The following EPS15L1 variants were observed in gnomAD, a reference collection of about 807,000 sequenced individuals.
EPS15L1 encodes epidermal growth factor receptor pathway substrate 15 like 1.
In EPS15L1, 43 loss-of-function variants were observed where a neutral mutation model predicts 117.1. The observed-to-expected ratio is 0.37, with a 90% CI of 0.29 to 0.47. The LOEUF (loss-of-function observed/expected upper bound fraction) is 0.47. Ranked by LOEUF, EPS15L1 falls within the 20% of genes least tolerant of loss-of-function variation. The pLI, the probability that EPS15L1 is intolerant of heterozygous loss-of-function variation, is 0.99. For missense variants in EPS15L1, 981 were observed against 1,164.0 expected (o/e 0.84, Z 2.29); for synonymous variants, 459 against 470.5 (o/e 0.98, Z 0.32).
chr19:16,417,036 C>G (rs2144918298), intron 12 of EPS15L1, among the ~76,000 whole-genome samples: 1 of 152,364 alleles, frequency 6.6e-6, no homozygotes, highest in Non-Finnish European at 1.5e-5. Flanking sequence ...GACCCAATTG[C>G]CCTAGCTGTC....
chr19:16,388,829 A>C (rs1349895197), intron 19 of EPS15L1, among the ~76,000 whole-genome samples: 2 of 152,130 alleles, frequency 1.3e-5, no homozygotes, highest in African/African-American at 4.8e-5. Context: ...CTGTCTCAAA[A>C]AAACAAACAA....
intron 1 of EPS15L1, among the ~76,000 whole-genome samples, chr19:16,445,140 T>C (rs2093070996): frequency 6.6e-6 from 1 of 152,166 alleles, no homozygotes; most frequent in Admixed American, 6.5e-5. Flanking sequence ...AAATATCTGC[T>C]CTACTTCCCA....
chr19:16,450,651 T>A (rs1720322788), intron 1 of EPS15L1, among the ~76,000 whole-genome samples: 1 of 151,648 alleles, frequency 6.6e-6, no homozygotes, highest in South Asian at 2.1e-4. Flanking sequence ...TGGCTAAATT[T>A]TTGTATTTTT....
At chr19:16,399,836 A>G (rs907364750) in intron 16 of EPS15L1, among the ~76,000 whole-genome samples, 1 of 151,990 alleles carries the variant, frequency 6.6e-6, no homozygotes, top group Non-Finnish European at 1.5e-5. Flanking sequence ...CCTATTTAAT[A>G]ATCGGTTCTG....
chr19:16,400,014 T>A (rs1219483787), intron 16 of EPS15L1, among the ~76,000 whole-genome samples: 2 of 152,104 alleles, frequency 1.3e-5, no homozygotes, highest in Non-Finnish European at 2.9e-5. Context: ...CATAATCAGA[T>A]GATAGACAAG....
In EPS15L1 at chr19:16,383,888, T is replaced by C. The variant is rs1298511084; in HGVS notation, c.2247+1241A>G. The C allele has an allele frequency of 6.6e-6, 1 of 152,258 alleles. No individual in the cohort carries two copies. Among genetic ancestry groups the C allele is most frequent in the African/African-American group, 2.4e-5 (1 of 41,444 alleles). The allele number at this position is 152,258 out of a possible 1,614,324, so 9.4% of individuals were successfully genotyped here. A position where few individuals can be genotyped will look rare whatever the true frequency, so the allele number is the denominator to read the frequency against. ...CACTGGCACCTGGGGCACCTGGGCA[T>C]GGGGCCGGTGGGGCCCCGAGGGGGC... On this transcript the variant is annotated intron_variant, in intron 21 of 23. Transcript: ENST00000455140. This position sits in a 1 kb window ranked among gnomAD's most constrained non-coding sequence, Gnocchi z 5.2.
At chr19:16,415,026 A>G (rs1285806727) in intron 12 of EPS15L1, among the ~76,000 whole-genome samples, 1 of 152,046 alleles carries the variant, frequency 6.6e-6, no homozygotes, top group African/African-American at 2.4e-5. Flanking sequence ...TTTTAAACTG[A>G]GATAGAATTC....
At chr19:16,439,413 C>T (rs1419369713) in intron 4 of EPS15L1, among the ~76,000 whole-genome samples, 3 of 151,998 alleles carry the variant, frequency 2.0e-5, no homozygotes, top group East Asian at 3.9e-4. Flanking sequence ...GACATGAGGC[C>T]GGGCACGGTG....
chr19:16,377,198 G>T lies in EPS15L1; in HGVS notation c.2304C>A (p.Asp768Glu). The change falls in exon 22 of 24, where the codon GAC becomes GAA. Residue 768 changes from aspartate to glutamate, a missense_variant. By Grantham distance (45) the Asp-to-Glu change is conservative. Around this residue, in one of 5 missense-constraint regions of EPS15L1, gnomAD observed 819 missense variants for 949.0 expected, o/e 0.86. Transcript: ENST00000455140. ...GAGTGTCCTGTTTACTTTTAAAGGG[G>T]TCATCTGAGAATCCTGCCCCTCCCA... The part of the protein sequence containing the change: ...SSLGGAGFSD[D>E]PFKSKQDTPA... The T allele has an allele frequency of 6.2e-7, 1 of 1,613,102 alleles. No individual in the cohort carries two copies. The highest frequency in any genetic ancestry group is 8.5e-7 in the Non-Finnish European group (1 of 1,179,524).
Position 16,367,968 on chromosome 19 carries a change from AGT to A in EPS15L1, c.2381-5986_2381-5985del, listed in dbSNP as rs2092161964. Among the ~76,000 whole-genome samples, 3 of 143,358 alleles carry A rather than the reference AGT, an allele frequency of 2.1e-5. No homozygotes were observed. In the South Asian group the frequency reaches 6.6e-4, roughly 31 times the overall value. 94.0% of individuals were successfully genotyped at this position (143,358 alleles called of 152,430 possible). On this transcript the variant is annotated intron_variant, in intron 22 of 23. Coordinates refer to ENST00000455140, the MANE Select transcript of EPS15L1 (RefSeq NM_001258374.3). ...TAAAAATATTAGTAATAAACATGAGAGTGAGAGAGAGAGAGAGTGTGTGTGTG... is the reference window on the plus strand; with the variant it reads ...TAAAAATATTAGTAATAAACATGAGAGAGAGAGAGAGAGAGTGTGTGTGTG...
chr19:16,373,371 A>G (rs900388847), intron 22 of EPS15L1, among the ~76,000 whole-genome samples: 8 of 152,014 alleles, frequency 5.3e-5, no homozygotes, highest in Non-Finnish European at 8.8e-5. Flanking sequence ...GGTCTCCCTG[A>G]GCAGAAAAAG....
intron 7 of EPS15L1, among the ~76,000 whole-genome samples, chr19:16,429,797 G>A (rs546854137): frequency 6.6e-6 from 1 of 152,286 alleles, no homozygotes; most frequent in South Asian, 2.1e-4. Flanking sequence ...TACTTTACCA[G>A]GGATCCAGGA....
At chr19:16,361,493 T>C (rs2092050081) in intron 23 of EPS15L1, 4 of 889,616 alleles carry the variant, frequency 4.5e-6, no homozygotes, top group Admixed American at 4.6e-5. Context: ...GCGTCAGAAA[T>C]AATACAATGA....
At chr19:16,377,074 C>T (rs1333207051) in intron 22 of EPS15L1, 48 bp downstream of exon 22, 11 of 1,550,574 alleles carry the variant, frequency 7.1e-6, no homozygotes, top group Non-Finnish European at 9.6e-6. Context: ...GGTCCCCCGC[C>T]ATCCGGCACC....
At chr19:16,424,786 G>A (rs946274554) in intron 9 of EPS15L1, among the ~76,000 whole-genome samples, 11 of 152,000 alleles carry the variant, frequency 7.2e-5, no homozygotes, top group South Asian at 2.1e-4. Flanking sequence ...TCAGCCTCCC[G>A]AGTGGCTGGG....
At chr19:16,442,778 G>GGGAA (rs2093045214) in intron 1 of EPS15L1, among the ~76,000 whole-genome samples, 1 of 152,182 alleles carries the variant, frequency 6.6e-6, no homozygotes, top group South Asian at 2.1e-4. Flanking sequence ...GTTCCCACCA[G>GGGAA]GGAAGGAAGG....
intron 16 of EPS15L1, chr19:16,400,614 T>C (rs576572240): frequency 3.9e-5 from 38 of 982,834 alleles, no homozygotes; most frequent in East Asian, 2.3e-4. Flanking sequence ...TATTAAGAAA[T>C]AGAAACAAGC....
intron 1 of EPS15L1, among the ~76,000 whole-genome samples, chr19:16,447,328 A>G (rs1014091766): frequency 8.5e-5 from 13 of 152,244 alleles, no homozygotes; most frequent in Non-Finnish European, 1.3e-4. Flanking sequence ...GAAGGAGAAG[A>G]CTTGGCAAGT....
intron 19 of EPS15L1, among the ~76,000 whole-genome samples, chr19:16,391,052 A>T (rs2092469111): frequency 6.6e-6 from 1 of 152,214 alleles, no homozygotes; most frequent in Non-Finnish European, 1.5e-5. Flanking sequence ...ATGGGACTGC[A>T]TCTCGATAAA....
Sources: gnomAD v4.1 joint callset for allele counts (sites outside exome capture counted in the v4.1 genomes callset) on GRCh38, gnomAD v4.1.1 for gene constraint, gnomAD v4.1.1 regional missense constraint, Gnocchi (gnomAD v3.1) non-coding constraint, MANE v1.5 for transcripts, NCBI Gene and HGNC (gene_info 2026-07-23, HGNC 2026-07-21) for gene names.